Variants in CSMD2 observed in about 807,000 individuals in gnomAD.
CSMD2 encodes the protein CUB and Sushi multiple domains 2, also known as CUB and sushi domain-containing protein 2.
CSMD2 carries 130 observed loss-of-function variants against 398.5 expected under a neutral mutation model. The ratio of observed to expected loss-of-function variants is 0.33; its 90% confidence interval spans 0.28 to 0.38. CSMD2 has a LOEUF of 0.38. Ranked by LOEUF, CSMD2 falls within the 10% of genes least tolerant of loss-of-function variation. The pLI is 1.00. For synonymous variants in CSMD2, 1,828 were observed against 1,908.5 expected (o/e 0.96, Z 1.10); for missense variants, 3,829 against 4,764.9 (o/e 0.80, Z 5.78).
intron 15 of CSMD2, among the ~76,000 whole-genome samples, chr1:33,729,821 C>T (rs12739602): frequency 0.036 from 5,507 of 152,172 alleles, 158 homozygotes; most frequent in Middle Eastern, 0.061. Context: ...CACATGAGGC[C>T]GTGAGAAACC....
chr1:33,783,116 A>G (rs575214793), intron 12 of CSMD2, among the ~76,000 whole-genome samples: 1 of 152,220 alleles, frequency 6.6e-6, no homozygotes, highest in East Asian at 1.9e-4. Flanking sequence ...GGGAGAGGGA[A>G]AAGGAGGAGG....
At position 33,970,685 on chromosome 1, in the gene CSMD2, G is replaced by A. The variant is rs112054017; in HGVS notation, c.518-34731C>T. On this transcript the variant is annotated intron_variant, in intron 3 of 70. Coordinates refer to ENST00000373381, the MANE Select transcript of CSMD2 (RefSeq NM_001281956.2). ...TCAGGGCCTACCTGAGTCCAGGTGC[G>A]TGCAGGGACAGGGCTGGGCCCCTGG... 1.7e-3 allele frequency among the ~76,000 whole-genome samples: 264 copies of A among 152,318 alleles called. 2 individuals are homozygous for A. Among genetic ancestry groups the A allele is most frequent in the African/African-American group, 5.5e-3 (230 of 41,568 alleles).
At chr1:33,622,674 T>G (rs1012497537) in intron 36 of CSMD2, among the ~76,000 whole-genome samples, 1 of 152,194 alleles carries the variant, frequency 6.6e-6, no homozygotes, top group South Asian at 2.1e-4. Flanking sequence ...CCTAAAAGAT[T>G]CAGATAATTG....
At chr1:34,045,064 C>T (rs1337984507) in intron 2 of CSMD2, among the ~76,000 whole-genome samples, 1 of 151,910 alleles carries the variant, frequency 6.6e-6, no homozygotes, top group Admixed American at 6.6e-5. Flanking sequence ...CACACACACA[C>T]ACACACACAC....
intron 11 of CSMD2, among the ~76,000 whole-genome samples, chr1:33,791,524 C>T (rs566900140): frequency 1.3e-5 from 2 of 152,166 alleles, no homozygotes; most frequent in African/African-American, 4.8e-5. Flanking sequence ...CTCACTCTGT[C>T]ACCCAGGCTA....
rs200510564 is a variant in CSMD2, at chr1:33,864,445, G to A, written c.921-17449C>T. On this transcript the variant is annotated intron_variant, in intron 5 of 70. Coordinates refer to ENST00000373381, the MANE Select transcript of CSMD2 (RefSeq NM_001281956.2). Reference sequence around the variant, plus strand: ...AATTATGTTGGCAAGAGGAAGAAACGGAGAAAGCGGGATCCCCAGGAACCC... The same window carrying A: ...AATTATGTTGGCAAGAGGAAGAAACAGAGAAAGCGGGATCCCCAGGAACCC... 7.5e-5 allele frequency: 121 copies of A among 1,613,650 alleles called. 1 individual carries two copies. The highest frequency in any genetic ancestry group is 4.2e-4 in the South Asian group (38 of 91,076).
At chr1:33,651,972 G>A (rs74066675) in intron 28 of CSMD2, among the ~76,000 whole-genome samples, 1 of 152,066 alleles carries the variant, frequency 6.6e-6, no homozygotes, top group Non-Finnish European at 1.5e-5. Context: ...CCTCTGGAGT[G>A]GGGTGGAAGG....
chr1:33,531,745 C>A (rs972257641), intron 64 of CSMD2, among the ~76,000 whole-genome samples: 2 of 152,126 alleles, frequency 1.3e-5, no homozygotes, highest in Non-Finnish European at 2.9e-5. Flanking sequence ...ATTCCACTAA[C>A]ATGAGGTACT....
At chr1:33,929,583 A>T (rs1570539164) in intron 4 of CSMD2, among the ~76,000 whole-genome samples, 1 of 151,946 alleles carries the variant, frequency 6.6e-6, no homozygotes, top group East Asian at 1.9e-4. Flanking sequence ...GATTACAGGC[A>T]TGTGACACCA....
intron 3 of CSMD2, among the ~76,000 whole-genome samples, chr1:33,954,263 T>G (rs896234474): frequency 2.0e-5 from 3 of 152,068 alleles, no homozygotes; most frequent in African/African-American, 7.2e-5. Context: ...ACCTTGTAAG[T>G]AACAAGCCTG....
intron 15 of CSMD2, among the ~76,000 whole-genome samples, chr1:33,736,643 C>A (rs1318713374): frequency 6.6e-6 from 1 of 152,202 alleles, no homozygotes; most frequent in Non-Finnish European, 1.5e-5. Flanking sequence ...TGTGCAGTTA[C>A]TAATTCCTGA....
Position 34,159,339 on chromosome 1 carries a change from A to ACTC in CSMD2, c.187+5571_187+5572insGAG, listed in dbSNP as rs1641112585. Among the ~76,000 whole-genome samples, 22 of 80,838 alleles carry ACTC rather than the reference A, an allele frequency of 2.7e-4. No individual in the cohort carries two copies. In the Admixed American group the frequency reaches 2.7e-3, roughly 10 times the overall value. 53.0% of individuals were successfully genotyped at this position (80,838 alleles called of 152,430 possible). ...TGACTTTACAGCCTGCCCCCCCCCC[A>ACTC]CCCAGGAGCTTGTGGTGGAAAGGAA... On this transcript the variant is annotated intron_variant, in intron 1 of 70. Coordinates refer to ENST00000373381, the MANE Select transcript of CSMD2 (RefSeq NM_001281956.2).
At chr1:33,520,190 G>T (rs749770341) in intron 68 of CSMD2, among the ~76,000 whole-genome samples, 4 of 152,218 alleles carry the variant, frequency 2.6e-5, no homozygotes, top group Non-Finnish European at 5.9e-5. Context: ...GCACCCAGAG[G>T]ACCATCCGCA....
intron 25 of CSMD2, among the ~76,000 whole-genome samples, chr1:33,679,511 T>C (rs1644833236): frequency 6.6e-6 from 1 of 152,196 alleles, no homozygotes; most frequent in African/African-American, 2.4e-5. Flanking sequence ...CAAATACTAG[T>C]TCTGAGAGAG....
chr1:33,758,018 CT>C (rs1026390568), intron 13 of CSMD2, among the ~76,000 whole-genome samples: 5 of 152,206 alleles, frequency 3.3e-5, no homozygotes, highest in African/African-American at 9.7e-5. Context: ...GTGCTTGGGA[CT>C]TCTTAAAGAC....
At chr1:33,650,622 A>G (rs1390978412) in intron 28 of CSMD2, among the ~76,000 whole-genome samples, 2 of 152,208 alleles carry the variant, frequency 1.3e-5, no homozygotes, top group Non-Finnish European at 2.9e-5. Context: ...GAAACTCCAA[A>G]GTTTGGGCCT....
intron 9 of CSMD2, among the ~76,000 whole-genome samples, chr1:33,811,748 T>C (rs542447113): frequency 8.5e-4 from 129 of 152,342 alleles, no homozygotes; most frequent in Non-Finnish European, 1.4e-3. Context: ...ACCTAGGTAT[T>C]TGCTTTCTTT....
chr1:33,692,837 A>AGGCC, intron 25 of CSMD2, 93 bp downstream of exon 25: 1 of 1,479,908 alleles, frequency 6.8e-7, no homozygotes, highest in Non-Finnish European at 9.3e-7. Context: ...TGAGGCAGGC[A>AGGCC]GGCCAGGCAC....
intron 37 of CSMD2, among the ~76,000 whole-genome samples, chr1:33,620,233 A>T (rs1023098333): frequency 3.3e-5 from 5 of 152,250 alleles, no homozygotes; most frequent in Admixed American, 6.5e-5. Flanking sequence ...ACAATTATGA[A>T]TCATAGCAGT....
Sources: allele counts gnomAD v4.1 joint callset (sites outside exome capture counted in the v4.1 genomes callset), GRCh38; gene constraint gnomAD v4.1.1; transcripts MANE v1.5; gene names NCBI Gene and HGNC (gene_info 2026-07-23, HGNC 2026-07-21).